IFIT3: variants seen among roughly 807,000 people sequenced by gnomAD.
IFIT3 encodes the protein interferon induced protein with tetratricopeptide repeats 3, also known as interferon-induced protein with tetratricopeptide repeats 3.
A neutral mutation model predicts 2.4 loss-of-function variants in IFIT3; 2 were observed. That is an observed-to-expected ratio of 0.82 (90% CI 0.34 to 2.60). The LOEUF is 2.60. Among genes scored for constraint, IFIT3 ranks in the 30% most tolerant of loss-of-function variants. IFIT3 has a pLI of 0.11. For missense variants in IFIT3, 481 were observed against 562.4 expected (o/e 0.86, Z 1.46); for synonymous variants, 203 against 212.1 (o/e 0.96, Z 0.37).
rs754776192 is a variant in IFIT3 at position 89,339,754 on chromosome 10, C to T, written c.1099C>T (p.Leu367Phe). Residue 367 changes from leucine to phenylalanine, a missense_variant, in exon 2 of 2, where the codon CTT (leucine) becomes TTT (phenylalanine). Transcript: ENST00000371818. ...ACAATCCCATCAGCGCTACTGCAAC[C>T]TTCAGAAATATAATGGGAAGTCTGA... is the stretch of plus-strand genomic sequence containing the variant. ...KQQSHQRYCNLQKYNGKSEDT... is the reference protein window; with the variant it reads ...KQQSHQRYCNFQKYNGKSEDT... The T allele has an allele frequency of 6.2e-7, 1 of 1,614,184 alleles. No homozygotes were observed. The highest frequency in any genetic ancestry group is 1.7e-5 in the Admixed American group (1 of 60,024).
intron 1 of IFIT3, among the ~76,000 whole-genome samples, chr10:89,333,207 A>AG (rs1237795684): frequency 1.3e-5 from 2 of 152,180 alleles, no homozygotes; most frequent in Non-Finnish European, 2.9e-5. Flanking sequence ...ATCAATGAAC[A>AG]GGGAGAAGGT....
At position 89,332,093 on chromosome 10, in the gene IFIT3, T is replaced by C. The variant is rs191924360; in HGVS notation, c.5+4015T>C. 1.7e-3 allele frequency among the ~76,000 whole-genome samples: 258 copies of C among 152,200 alleles called. 1 individual carries two copies. Among genetic ancestry groups the C allele is most frequent in the Non-Finnish European group, 3.0e-3 (205 of 68,016 alleles). On this transcript the variant is annotated intron_variant, in intron 1 of 1. Transcript: ENST00000371818. The stretch of plus-strand genomic sequence containing the variant: ...TAAAAATACAAAAATTATCCAGGCA[T>C]GGTGGTGCACGTCTGTAATCCCAGC...
rs1266616871 is a variant in IFIT3, at chr10:89,334,492, T to C, written c.6-4169T>C. Among the ~76,000 whole-genome samples the C allele has an allele frequency of 1.9e-4, 17 of 90,966 alleles. No homozygotes were observed. In the East Asian group the frequency reaches 3.0e-3, roughly 16 times the overall value. 59.7% of individuals were successfully genotyped at this position (90,966 alleles called of 152,430 possible). ...TTTCTTTTATTCTTTTTTTTTTTTT[T>C]TTTTTTTTTTTTTTTTTTTTTGAGA... On this transcript the variant is annotated intron_variant, in intron 1 of 1. Coordinates refer to ENST00000371818, the MANE Select transcript of IFIT3 (RefSeq NM_001549.6).
intron 1 of IFIT3, among the ~76,000 whole-genome samples, chr10:89,330,114 C>T (rs1389627200): frequency 6.6e-6 from 1 of 152,112 alleles, no homozygotes; most frequent in East Asian, 1.9e-4. Context: ...CAGGAACTGG[C>T]CATCTGGATG....
Position 89,329,383 on chromosome 10 carries a change from T to G in IFIT3, c.5+1305T>G, listed in dbSNP as rs1279866576. ...GTGGGATTGACCAGAGAGCAAGGCG[T>G]CTTAGTAGCCAGCTTGCAGGAAAGG... is the stretch of plus-strand genomic sequence containing the variant. On this transcript the variant is annotated intron_variant, in intron 1 of 1. Transcript: ENST00000371818. Among the ~76,000 whole-genome samples the G allele has an allele frequency of 2.6e-5, 4 of 152,256 alleles. No homozygotes were observed. In the East Asian group the frequency reaches 7.7e-4, roughly 29 times the overall value.
intron 1 of IFIT3, among the ~76,000 whole-genome samples, chr10:89,336,238 A>G (rs1468338877): frequency 6.6e-6 from 1 of 151,758 alleles, no homozygotes; most frequent in Admixed American, 6.6e-5. Flanking sequence ...AGGGAGGGAA[A>G]GAAGGAAGGA....
rs1196898036 is a variant in IFIT3, at chr10:89,328,018, G to A, written c.-56G>A. 3 of 1,609,518 alleles carry A rather than the reference G, an allele frequency of 1.9e-6. No individual in the cohort carries two copies. The African/African-American group carries it at 4.0e-5, about 22-fold the overall frequency. On this transcript the variant is annotated 5_prime_UTR_variant, in exon 1 of 2. Coordinates refer to ENST00000371818, the MANE Select transcript of IFIT3 (RefSeq NM_001549.6). ...TGAGGCAGACAGGAAGACTTCTGAA[G>A]AACAAATCAGCCTGGTCACCAGCTT... is the stretch of plus-strand genomic sequence containing the variant.
At chr10:89,337,238 G>T (rs147340384) in intron 1 of IFIT3, among the ~76,000 whole-genome samples, 1 of 152,092 alleles carries the variant, frequency 6.6e-6, no homozygotes, top group South Asian at 2.1e-4. Context: ...AGCACCTGGC[G>T]GGCAGAGAAG....
rs760182387 is a variant in IFIT3 at position 89,339,559 on chromosome 10, G to A, written c.904G>A (p.Gly302Arg). 2 of 1,614,132 alleles carry A rather than the reference G, an allele frequency of 1.2e-6. No homozygotes were observed. Among genetic ancestry groups the A allele is most frequent in the Non-Finnish European group, 8.5e-7 (1 of 1,179,998 alleles). The change falls in exon 2 of 2, where the codon GGA (glycine) becomes AGA (arginine). Residue 302 changes from glycine to arginine, a missense_variant. Coordinates refer to ENST00000371818, the MANE Select transcript of IFIT3 (RefSeq NM_001549.6). Reference protein sequence around the residue: ...MQNTGESEASGNKEMIEALKQ... With the variant: ...MQNTGESEASRNKEMIEALKQ... ...GAATACAGGAGAATCTGAAGCTAGT[G>A]GAAATAAAGAGATGATTGAAGCACT...
chr10:89,331,750 T>C (rs1394050676), intron 1 of IFIT3, among the ~76,000 whole-genome samples: 1 of 148,138 alleles, frequency 6.8e-6, no homozygotes, highest in Non-Finnish European at 1.5e-5. Context: ...TCTCATTGAC[T>C]GGAGAGGCTG....
At chr10:89,332,162 C>G (rs1843659963) in intron 1 of IFIT3, among the ~76,000 whole-genome samples, 1 of 152,192 alleles carries the variant, frequency 6.6e-6, no homozygotes, top group Non-Finnish European at 1.5e-5. Flanking sequence ...ACCCGAGAGG[C>G]AGAAATTGCA....
rs552748206 is a variant in IFIT3, at chr10:89,334,737, C to T, written c.6-3924C>T. ...CGAACTCTTGACCTCATGATCCACC[C>T]GCCTCAGCCTCCCAAAATGCTGGGA... On this transcript the variant is annotated intron_variant, in intron 1 of 1. Coordinates refer to ENST00000371818, the MANE Select transcript of IFIT3 (RefSeq NM_001549.6). 1.7e-3 allele frequency among the ~76,000 whole-genome samples: 251 copies of T among 151,570 alleles called. 1 individual carries two copies. Among genetic ancestry groups the T allele is most frequent in the Non-Finnish European group, 2.4e-3 (162 of 67,880 alleles).
At chr10:89,338,435 A>G (rs894066881) in intron 1 of IFIT3, 4 of 518,042 alleles carry the variant, frequency 7.7e-6, no homozygotes, top group Admixed American at 3.3e-5. Context: ...CCTCAACAGA[A>G]TGGATAATGC....
In IFIT3 at chr10:89,339,717, T is replaced by G; in HGVS notation, c.1062T>G (p.Asp354Glu). 1.2e-6 allele frequency: 2 copies of G among 1,614,224 alleles called. No individual in the cohort carries two copies. The highest frequency in any genetic ancestry group is 1.3e-5 in the African/African-American group (1 of 75,068). ...CACCATTCAATAAGGAAGTCCCTGA[T>G]GCTGAAAAGCAACAATCCCATCAGC... ...YQTPFNKEVP[D>E]AEKQQSHQRY... The change falls in exon 2 of 2, where the codon GAT becomes GAG. Residue 354 changes from aspartate to glutamate, a missense_variant. By Grantham distance (45) the Asp-to-Glu change is conservative. Coordinates refer to ENST00000371818, the MANE Select transcript of IFIT3 (RefSeq NM_001549.6).
chr10:89,332,919 G>C (rs1843672114), intron 1 of IFIT3, among the ~76,000 whole-genome samples: 2 of 152,210 alleles, frequency 1.3e-5, no homozygotes, highest in African/African-American at 2.4e-5. Context: ...GCCAGTGAAA[G>C]CTGGGGCCTG....
At chr10:89,333,167 G>A (rs1012495032) in intron 1 of IFIT3, among the ~76,000 whole-genome samples, 7 of 152,144 alleles carry the variant, frequency 4.6e-5, no homozygotes, top group Non-Finnish European at 7.4e-5. Flanking sequence ...TCCTCTAGCA[G>A]GTCTAGTGAC....
At chr10:89,330,754 G>GT (rs1843641817) in intron 1 of IFIT3, among the ~76,000 whole-genome samples, 1 of 85,852 alleles carries the variant, frequency 1.2e-5, no homozygotes, top group Non-Finnish European at 1.9e-5. Context: ...CTTCACTCAA[G>GT]ATGCCTGATA....
At chr10:89,332,383 T>C (rs1843663235) in intron 1 of IFIT3, 3 of 914,976 alleles carry the variant, frequency 3.3e-6, no homozygotes, top group Non-Finnish European at 4.5e-6. Context: ...GTTTTCCAAA[T>C]CTGTCTGGAA....
intron 1 of IFIT3, chr10:89,332,487 C>T (rs1027777665): frequency 9.6e-6 from 15 of 1,554,426 alleles, no homozygotes; most frequent in Non-Finnish European, 1.2e-5. Context: ...GTTTCACTTT[C>T]CTTTCCCCTT....
Sources: gnomAD v4.1 joint callset for allele counts (sites outside exome capture counted in the v4.1 genomes callset) on GRCh38, gnomAD v4.1.1 for gene constraint, MANE v1.5 for transcripts, NCBI Gene and HGNC (gene_info 2026-07-23, HGNC 2026-07-21) for gene names.